Variants in COL24A1 observed in about 807,000 individuals in gnomAD.
COL24A1 encodes the protein collagen type XXIV alpha 1 chain, also known as collagen alpha-1(XXIV) chain.
A neutral mutation model predicts 253.9 loss-of-function variants in COL24A1; 224 were observed. The observed-to-expected ratio is 0.88, with a 90% CI of 0.79 to 0.99. The LOEUF (loss-of-function observed/expected upper bound fraction) is 0.99, where lower values mean the gene tolerates loss of function less well. COL24A1 is among the 50% of genes least tolerant of loss of function. The pLI is 0.00. For missense variants in COL24A1, 2,131 were observed against 2,068.5 expected, an observed-to-expected ratio of 1.03 and a Z score of -0.59; for synonymous variants, 685 against 673.7, an observed-to-expected ratio of 1.02 and a Z score of -0.26.
intron 23 of COL24A1, among the ~76,000 whole-genome samples, chr1:85,962,407 T>A (rs1691168989): frequency 6.6e-6 from 1 of 152,228 alleles, no homozygotes; most frequent in African/African-American, 2.4e-5. Context: ...ATAGTCTTGA[T>A]TTATTCCAAT....
chr1:85,993,443 C>CTATGTACA (rs1694486230), intron 19 of COL24A1, among the ~76,000 whole-genome samples: 1 of 145,442 alleles, frequency 6.9e-6, no homozygotes. Context: ...AGAAGCCAGA[C>CTATGTACA]AAAAAAAAAA....
At chr1:85,816,594 A>G (rs1673064153) in intron 47 of COL24A1, among the ~76,000 whole-genome samples, 194 bp downstream of exon 47, 1 of 152,254 alleles carries the variant, frequency 6.6e-6, no homozygotes, top group Non-Finnish European at 1.5e-5. Context: ...TATTAGATAT[A>G]AAATACTGAA....
chr1:86,100,080 C>A (rs1355546797), intron 5 of COL24A1, among the ~76,000 whole-genome samples: 3 of 152,060 alleles, frequency 2.0e-5, no homozygotes, highest in Non-Finnish European at 2.9e-5. Flanking sequence ...TGGAACCAAC[C>A]CAAATGTCCA....
At chr1:85,920,879 A>G (rs1686384087) in intron 24 of COL24A1, among the ~76,000 whole-genome samples, 1 of 152,146 alleles carries the variant, frequency 6.6e-6, no homozygotes, top group Non-Finnish European at 1.5e-5. Flanking sequence ...CTGATGATAA[A>G]CCAGGAACAA....
At chr1:86,148,214 G>T (rs900554302) in intron 1 of COL24A1, among the ~76,000 whole-genome samples, 7 of 151,898 alleles carry the variant, frequency 4.6e-5, no homozygotes, top group Admixed American at 2.6e-4. Flanking sequence ...GATGGAGTTC[G>T]CTCTTTGTTA....
At chr1:86,071,119 C>T (rs894877630) in intron 7 of COL24A1, among the ~76,000 whole-genome samples, 1 of 152,036 alleles carries the variant, frequency 6.6e-6, no homozygotes, top group Non-Finnish European at 1.5e-5. Context: ...GAGTTTTTAT[C>T]AGTTTTCTTT....
At chr1:85,814,591 C>T (rs1672879894) in intron 47 of COL24A1, among the ~76,000 whole-genome samples, 1 of 152,140 alleles carries the variant, frequency 6.6e-6, no homozygotes, top group African/African-American at 2.4e-5. Flanking sequence ...AAAGCACAGA[C>T]AAAATGTGTA....
chr1:86,099,755 G>T (rs1160027831), intron 5 of COL24A1, among the ~76,000 whole-genome samples: 1 of 151,988 alleles, frequency 6.6e-6, no homozygotes, highest in Admixed American at 6.6e-5. Context: ...ATGGACTAGG[G>T]ATGACTAGCA....
At chr1:85,934,610 A>G (rs1688094967) in intron 24 of COL24A1, among the ~76,000 whole-genome samples, 1 of 152,198 alleles carries the variant, frequency 6.6e-6, no homozygotes, top group African/African-American at 2.4e-5. Flanking sequence ...TAAAGTAGAT[A>G]GCCAAAAATG....
chr1:85,754,440 T>C (rs1482172477), intron 55 of COL24A1, among the ~76,000 whole-genome samples: 1 of 94,452 alleles, frequency 1.1e-5, no homozygotes, highest in South Asian at 4.7e-4. Context: ...TAATGCTAGA[T>C]GACACGTTAG....
intron 7 of COL24A1, among the ~76,000 whole-genome samples, chr1:86,076,824 C>A (rs752971099): frequency 3.9e-4 from 60 of 152,162 alleles, no homozygotes; most frequent in Non-Finnish European, 7.2e-4. Flanking sequence ...CTTCCTTACA[C>A]CTTATACAAA....
intron 57 of COL24A1, among the ~76,000 whole-genome samples, chr1:85,738,504 T>C (rs1011649693): frequency 6.6e-6 from 1 of 151,998 alleles, no homozygotes; most frequent in Non-Finnish European, 1.5e-5. Context: ...CTACAGAAAA[T>C]ACTTAGACTG....
chr1:85,890,105 T>C (rs1405857492), intron 31 of COL24A1, among the ~76,000 whole-genome samples: 2 of 152,192 alleles, frequency 1.3e-5, no homozygotes, highest in East Asian at 3.8e-4. Context: ...TAAGATTGGG[T>C]CCACTGTATG....
chr1:86,120,452 T>A (rs546124466), intron 3 of COL24A1, among the ~76,000 whole-genome samples: 1 of 151,652 alleles, frequency 6.6e-6, no homozygotes, highest in Non-Finnish European at 1.5e-5. Flanking sequence ...CAAGAAAAAA[T>A]CAAACAACCC....
chr1:85,880,889 G>A (rs2102653935), intron 32 of COL24A1, among the ~76,000 whole-genome samples: 1 of 152,256 alleles, frequency 6.6e-6, no homozygotes, highest in Middle Eastern at 3.4e-3. Context: ...GGGTTATGAT[G>A]CATAATTCTG....
intron 31 of COL24A1, 145 bp from the exon 32 acceptor site, chr1:85,889,758 G>A (rs1682913558): frequency 2.9e-6 from 2 of 699,412 alleles, no homozygotes; most frequent in East Asian, 5.2e-5. Flanking sequence ...TTTGTGGTAA[G>A]ATACACACAA....
At chr1:86,149,947 A>C (rs1166569383) in intron 1 of COL24A1, among the ~76,000 whole-genome samples, 1 of 152,250 alleles carries the variant, frequency 6.6e-6, no homozygotes, top group Non-Finnish European at 1.5e-5. Flanking sequence ...CAAAACAAAT[A>C]GCGAACTGAA....
At chr1:85,863,213 T>C (rs1343748276) in intron 37 of COL24A1, among the ~76,000 whole-genome samples, 4 of 152,190 alleles carry the variant, frequency 2.6e-5, no homozygotes, top group Admixed American at 6.5e-5. Context: ...AAGGAGATTT[T>C]GGGCTGAGAC....
intron 52 of COL24A1, among the ~76,000 whole-genome samples, chr1:85,777,294 C>T (rs1668643351): frequency 6.6e-6 from 1 of 152,034 alleles, no homozygotes; most frequent in Admixed American, 6.6e-5. Flanking sequence ...AATATATACA[C>T]CCTTTTCCAC....
Sources: allele counts gnomAD v4.1 joint callset (sites outside exome capture counted in the v4.1 genomes callset), GRCh38; gene constraint gnomAD v4.1.1; transcripts MANE v1.5; gene names NCBI Gene and HGNC (gene_info 2026-07-23, HGNC 2026-07-21).